Variants in JAKMIP2 observed in about 807,000 individuals in gnomAD.
JAKMIP2 encodes the protein janus kinase and microtubule interacting protein 2.
Under a neutral mutation model 115.0 loss-of-function variants are expected in JAKMIP2, and 25 were observed. The ratio of observed to expected loss-of-function variants is 0.22; its 90% CI spans 0.16 to 0.30. The LOEUF (loss-of-function observed/expected upper bound fraction) is 0.30. Among genes scored for constraint, JAKMIP2 ranks in the 10% least tolerant of loss-of-function variants. The pLI, the probability that JAKMIP2 is intolerant of heterozygous loss-of-function variation, is 1.00. For missense variants in JAKMIP2, 642 were observed against 957.6 expected (o/e 0.67, Z 4.35); for synonymous variants, 334 against 343.6 (o/e 0.97, Z 0.31).
chr5:147,673,760 A>G (rs1046591241), intron 1 of JAKMIP2, among the ~76,000 whole-genome samples: 1 of 152,208 alleles, frequency 6.6e-6, no homozygotes, highest in Non-Finnish European at 1.5e-5. Context: ...CAGCACCAAT[A>G]GGCAAAAGGA....
At chr5:147,718,549 T>C (rs1459640842) in intron 1 of JAKMIP2, among the ~76,000 whole-genome samples, 1 of 151,690 alleles carries the variant, frequency 6.6e-6, no homozygotes, top group Non-Finnish European at 1.5e-5. Flanking sequence ...TATTCAGAGA[T>C]TCAACTTCTT....
At chr5:147,608,450 A>C (rs1756143388) in intron 20 of JAKMIP2, among the ~76,000 whole-genome samples, 3 of 152,134 alleles carry the variant, frequency 2.0e-5, no homozygotes, top group Admixed American at 2.0e-4. Context: ...TCATTCAGGA[A>C]CAGATTGTTC....
intron 1 of JAKMIP2, among the ~76,000 whole-genome samples, chr5:147,766,077 C>G (rs1385714866): frequency 6.6e-6 from 1 of 152,186 alleles, no homozygotes; most frequent in Non-Finnish European, 1.5e-5. Flanking sequence ...GCTATTCCCT[C>G]ACCCAACCTT....
chr5:147,663,408 G>A (rs957464346), intron 2 of JAKMIP2, among the ~76,000 whole-genome samples: 3 of 152,176 alleles, frequency 2.0e-5, no homozygotes, highest in African/African-American at 7.2e-5. Flanking sequence ...TAGCCTCTCA[G>A]CCTACATCTT....
At chr5:147,676,525 G>T (rs1407185582) in intron 1 of JAKMIP2, among the ~76,000 whole-genome samples, 1 of 152,168 alleles carries the variant, frequency 6.6e-6, no homozygotes, top group African/African-American at 2.4e-5. Context: ...TAAAAAACTT[G>T]AAGGAACTTT....
intron 21 of JAKMIP2, among the ~76,000 whole-genome samples, chr5:147,592,583 A>G (rs530935150): frequency 6.6e-6 from 1 of 152,312 alleles, no homozygotes; most frequent in East Asian, 1.9e-4. Context: ...TTGTGCTATC[A>G]TGTCCTACTT....
chr5:147,687,334 G>C (rs1299908305), intron 1 of JAKMIP2, among the ~76,000 whole-genome samples: 1 of 152,160 alleles, frequency 6.6e-6, no homozygotes, highest in Non-Finnish European at 1.5e-5. Context: ...CACTGGGAGA[G>C]ACCAACATGT....
intron 2 of JAKMIP2, among the ~76,000 whole-genome samples, chr5:147,663,629 C>A (rs1179179277): frequency 6.6e-6 from 1 of 152,216 alleles, no homozygotes; most frequent in African/African-American, 2.4e-5. Context: ...TATACAGTGT[C>A]TGAGATTTTA....
At chr5:147,633,330 T>A (rs1373590588) in intron 12 of JAKMIP2, among the ~76,000 whole-genome samples, 1 of 152,140 alleles carries the variant, frequency 6.6e-6, no homozygotes, top group Non-Finnish European at 1.5e-5. Context: ...CACCCACACA[T>A]GATCATGCAA....
intron 7 of JAKMIP2, 79 bp from the exon 8 acceptor site, chr5:147,641,843 T>C (rs1245260987): frequency 8.3e-7 from 1 of 1,206,640 alleles, no homozygotes; most frequent in Admixed American, 1.7e-5. Context: ...CAGAGTGTTC[T>C]TTCCCATAAG....
At chr5:147,694,901 G>C (rs1027708695) in intron 1 of JAKMIP2, among the ~76,000 whole-genome samples, 9 of 152,192 alleles carry the variant, frequency 5.9e-5, no homozygotes, top group African/African-American at 2.2e-4. Context: ...TATGGGCTCA[G>C]AGCTTATCAA....
At position 147,661,325 on chromosome 5, in the gene JAKMIP2, C is replaced by T; in HGVS notation, c.250G>A (p.Glu84Lys). Reference protein sequence around the residue: ...KAKLHEEKMKELQAVRENLIK... With the variant: ...KAKLHEEKMKKLQAVRENLIK... ...AGGTTCTCCCTCACAGCCTGCAGCT[C>T]CTTCATCTTCTCCTCATGGAGCTTG... Residue 84 changes from glutamate (E) to lysine (K), a missense_variant, in exon 3 of 22, where the codon GAG (glutamate) becomes AAG (lysine). By Grantham distance (56) the Glu-to-Lys change is moderately conservative. Transcript: ENST00000616793. 1 of 1,614,042 alleles carries T rather than the reference C, an allele frequency of 6.2e-7. No individual in the cohort carries two copies. Among genetic ancestry groups the T allele is most frequent in the Non-Finnish European group, 8.5e-7 (1 of 1,180,020 alleles).
At chr5:147,762,955 T>C (rs1754982599) in intron 1 of JAKMIP2, among the ~76,000 whole-genome samples, 1 of 152,122 alleles carries the variant, frequency 6.6e-6, no homozygotes, top group African/African-American at 2.4e-5. Context: ...CCCTTTAAAC[T>C]TCTGCCAGGA....
At chr5:147,747,227 C>G (rs1754379480) in intron 1 of JAKMIP2, among the ~76,000 whole-genome samples, 1 of 152,016 alleles carries the variant, frequency 6.6e-6, no homozygotes. Context: ...CTGAGCTTGG[C>G]CAGGCAATCA....
At chr5:147,650,246 T>G in intron 4 of JAKMIP2, 92 bp downstream of exon 4, 1 of 805,640 alleles carries the variant, frequency 1.2e-6, no homozygotes, top group Non-Finnish European at 2.1e-6. Flanking sequence ...TTCTTTGTAG[T>G]AAACAAGAAA....
At chr5:147,676,205 C>G (rs565016353) in intron 1 of JAKMIP2, among the ~76,000 whole-genome samples, 1 of 152,148 alleles carries the variant, frequency 6.6e-6, no homozygotes, top group Non-Finnish European at 1.5e-5. Context: ...ACGTGGCGGC[C>G]GGCGCCTGTA....
intron 1 of JAKMIP2, among the ~76,000 whole-genome samples, chr5:147,782,232 AT>A (rs1755786195): frequency 1.3e-5 from 2 of 152,108 alleles, no homozygotes; most frequent in Non-Finnish European, 2.9e-5. Context: ...CCAGTTAGAG[AT>A]AAAATCAGAA....
chr5:147,711,514 G>A (rs1253033178), intron 1 of JAKMIP2, among the ~76,000 whole-genome samples: 2 of 152,190 alleles, frequency 1.3e-5, no homozygotes, highest in Non-Finnish European at 2.9e-5. Context: ...AGCCTAAAGA[G>A]AGAGGCACTT....
At chr5:147,609,186 A>T (rs1756182671) in intron 20 of JAKMIP2, among the ~76,000 whole-genome samples, 1 of 152,160 alleles carries the variant, frequency 6.6e-6, no homozygotes, top group Admixed American at 6.5e-5. Flanking sequence ...TTTAAGGCTA[A>T]TATTGTTATG....
Sources: gnomAD v4.1 joint callset for allele counts (sites outside exome capture counted in the v4.1 genomes callset) on GRCh38, gnomAD v4.1.1 for gene constraint, MANE v1.5 for transcripts, NCBI Gene and HGNC (gene_info 2026-07-23, HGNC 2026-07-21) for gene names.